Variants in MYO16 observed in about 807,000 individuals in gnomAD.
MYO16 encodes the protein unconventional myosin-XVI.
MYO16 carries 94 observed loss-of-function variants against 205.3 expected under a neutral mutation model. The ratio of observed to expected loss-of-function variants is 0.46; its 90% CI spans 0.39 to 0.54. MYO16 has a LOEUF of 0.54. MYO16 is among the 20% of genes least tolerant of loss of function. MYO16 has a pLI of 0.00. For missense variants in MYO16, 2,315 were observed against 2,387.5 expected, an observed-to-expected ratio of 0.97 and a Z score of 0.63; for synonymous variants, 988 against 954.0, an observed-to-expected ratio of 1.04 and a Z score of -0.66.
intron 1 of MYO16, among the ~76,000 whole-genome samples, chr13:108,616,941 C>T (rs1477596560): frequency 1.3e-5 from 2 of 152,016 alleles, no homozygotes; most frequent in Admixed American, 1.3e-4. Context: ...TGGCTCCTTC[C>T]CCAGTATCCC....
chr13:108,552,519 C>T, the MYO16 span, among the ~76,000 whole-genome samples: 1 of 152,150 alleles, frequency 6.6e-6, no homozygotes, highest in South Asian at 2.1e-4. Context: ...TTCCCTATAT[C>T]TTGCAAACTA....
At chr13:108,872,244 A>T (rs1018893036) in intron 12 of MYO16, among the ~76,000 whole-genome samples, 1 of 152,228 alleles carries the variant, frequency 6.6e-6, no homozygotes, top group Non-Finnish European at 1.5e-5. Flanking sequence ...GAATAATTGA[A>T]TGAAACGTTA....
At chr13:108,753,424 G>A (rs1415949066) in intron 4 of MYO16, among the ~76,000 whole-genome samples, 3 of 147,374 alleles carry the variant, frequency 2.0e-5, no homozygotes, top group Non-Finnish European at 4.4e-5. Flanking sequence ...TTTCTTGGAA[G>A]GATTATATGT....
chr13:108,523,778 C>T, the MYO16 span, among the ~76,000 whole-genome samples: 2 of 152,170 alleles, frequency 1.3e-5, no homozygotes, highest in Admixed American at 6.5e-5. Flanking sequence ...AACTTTACCT[C>T]GTTACCCCAC....
At chr13:108,659,874 T>C (rs1566534511) in intron 1 of MYO16, among the ~76,000 whole-genome samples, 2 of 152,132 alleles carry the variant, frequency 1.3e-5, no homozygotes, top group South Asian at 2.1e-4. Context: ...AGAAAATATA[T>C]AGAATTGTAT....
chr13:108,659,776 A>G (rs898034566), intron 1 of MYO16, among the ~76,000 whole-genome samples: 2 of 152,204 alleles, frequency 1.3e-5, no homozygotes, highest in Non-Finnish European at 2.9e-5. Context: ...CAGCAAAACT[A>G]TTGACTACCT....
chr13:108,798,127 G>A (rs1013278960), intron 6 of MYO16, among the ~76,000 whole-genome samples: 7 of 152,176 alleles, frequency 4.6e-5, no homozygotes, highest in African/African-American at 1.7e-4. Flanking sequence ...TGATTCACAT[G>A]TCTGAATTGG....
the MYO16 span, among the ~76,000 whole-genome samples, chr13:108,584,994 G>A: frequency 6.6e-6 from 1 of 152,164 alleles, no homozygotes; most frequent in African/African-American, 2.4e-5. Context: ...TTAGTTATGA[G>A]CAAGATCTTA....
At chr13:108,973,708 C>A (rs1490029075) in intron 20 of MYO16, among the ~76,000 whole-genome samples, 2 of 152,102 alleles carry the variant, frequency 1.3e-5, no homozygotes, top group African/African-American at 4.8e-5. Flanking sequence ...AAGGTGATAT[C>A]AGTGTATTAG....
intron 16 of MYO16, among the ~76,000 whole-genome samples, chr13:108,949,304 A>C (rs1188413294): frequency 6.6e-6 from 1 of 152,236 alleles, no homozygotes; most frequent in Non-Finnish European, 1.5e-5. Context: ...GAGCTTAAAA[A>C]GCAAAAGATC....
intron 16 of MYO16, among the ~76,000 whole-genome samples, chr13:108,939,351 G>A (rs1171555526): frequency 6.6e-6 from 1 of 152,182 alleles, no homozygotes; most frequent in Non-Finnish European, 1.5e-5. Flanking sequence ...GGGGAAAGGG[G>A]AGTCACAGAG....
intron 1 of MYO16, among the ~76,000 whole-genome samples, chr13:108,630,379 C>T (rs867217595): frequency 3.3e-5 from 5 of 152,128 alleles, no homozygotes; most frequent in Admixed American, 1.3e-4. Flanking sequence ...ATTCACCTTG[C>T]GGTGCTTAGG....
chr13:109,207,385 A>G lies in MYO16; in HGVS notation c.*549A>G, dbSNP rs965978102. On this transcript the variant is annotated 3_prime_UTR_variant, in exon 35 of 35. Coordinates refer to ENST00000457511, the MANE Select transcript of MYO16 (RefSeq NM_001198950.3). ...GTGGTGCTTCCTTTCTTCAAAATAC[A>G]GATTTTAAAAAATCATTTCTAGATT... The G allele has an allele frequency of 2.6e-5, 4 of 152,228 alleles. No individual in the cohort carries two copies. The highest frequency in any genetic ancestry group is 9.7e-5 in the African/African-American group (4 of 41,438). The allele number at this position is 152,228 out of a possible 1,614,324, so 9.4% of individuals were successfully genotyped here.
intron 9 of MYO16, among the ~76,000 whole-genome samples, chr13:108,826,881 A>T (rs1386949927): frequency 6.6e-6 from 1 of 152,172 alleles, no homozygotes; most frequent in East Asian, 1.9e-4. Context: ...AAATAAAGGT[A>T]AATCAGTGTT....
the MYO16 span, among the ~76,000 whole-genome samples, chr13:108,560,463 A>G: frequency 1.3e-5 from 2 of 152,366 alleles, no homozygotes; most frequent in African/African-American, 2.4e-5. Context: ...ATATGATATT[A>G]AATATTTGCT....
At chr13:109,094,545 C>G (rs1257320764) in intron 27 of MYO16, among the ~76,000 whole-genome samples, 4 of 152,162 alleles carry the variant, frequency 2.6e-5, no homozygotes, top group Non-Finnish European at 5.9e-5. Context: ...TATTATTATA[C>G]TTTAAGCTCT....
rs76760151 is a variant in MYO16, at chr13:109,058,777, T to C, written c.3335+3182T>C. Among the ~76,000 whole-genome samples, 574 of 152,178 alleles carry C rather than the reference T, an allele frequency of 3.8e-3. 3 individuals carry two copies. The highest frequency in any genetic ancestry group is 0.014 in the Middle Eastern group (4 of 294). On this transcript the variant is annotated intron_variant, in intron 27 of 34. Transcript: ENST00000457511. ...TCCATTGACTCCCTTTCATGAAAAA[T>C]GTCTCTGTAGCATGCGAAGCTGCAA...
chr13:108,578,861 C>A, the MYO16 span, among the ~76,000 whole-genome samples: 1 of 150,468 alleles, frequency 6.6e-6, no homozygotes, highest in Non-Finnish European at 1.5e-5. Context: ...TTTCAGCTCA[C>A]ATATATATTT....
the MYO16 span, among the ~76,000 whole-genome samples, chr13:108,553,678 A>G: frequency 1.3e-5 from 2 of 152,214 alleles, no homozygotes; most frequent in Non-Finnish European, 2.9e-5. Context: ...GATGTTGACA[A>G]CAAATAGTAT....
Sources: gnomAD v4.1 joint callset for allele counts (sites outside exome capture counted in the v4.1 genomes callset) on GRCh38, gnomAD v4.1.1 for gene constraint, MANE v1.5 for transcripts, NCBI Gene and HGNC (gene_info 2026-07-23, HGNC 2026-07-21) for gene names.